The following ADAM12 variants were observed in gnomAD, a reference collection of about 807,000 sequenced individuals.
ADAM12 encodes the protein disintegrin and metalloproteinase domain-containing protein 12.
A neutral mutation model predicts 106.4 loss-of-function variants in ADAM12; 70 were observed. That is an observed-to-expected ratio of 0.66 (90% CI 0.54 to 0.80). ADAM12 has a LOEUF of 0.80. ADAM12 is among the 30% of genes least tolerant of loss of function. ADAM12 has a pLI of 0.00. For synonymous variants in ADAM12, 420 were observed against 433.5 expected (o/e 0.97, Z 0.39); for missense variants, 1,010 against 1,171.9 (o/e 0.86, Z 2.02).
chr10:126,321,909 G>A (rs567522649), intron 2 of ADAM12, among the ~76,000 whole-genome samples: 2 of 143,234 alleles, frequency 1.4e-5, no homozygotes, highest in South Asian at 2.5e-4. Context: ...GGGGGTCGGG[G>A]GGGGGGCTTC....
intron 3 of ADAM12, among the ~76,000 whole-genome samples, chr10:126,187,541 C>A (rs1385007184): frequency 1.3e-5 from 2 of 152,078 alleles, no homozygotes; most frequent in Non-Finnish European, 2.9e-5. Context: ...GAGGTGGGAG[C>A]CCAGGTCGGT....
chr10:126,064,712 G>T lies in ADAM12; in HGVS notation c.1609+94C>A. The T allele has an allele frequency of 7.5e-7, 1 of 1,337,612 alleles. No homozygotes were observed. Among genetic ancestry groups the T allele is most frequent in the Non-Finnish European group, 1.0e-6 (1 of 983,602 alleles). The allele number at this position is 1,337,612 out of a possible 1,614,324, so 82.9% of individuals were successfully genotyped here. On this transcript the variant is annotated intron_variant, in intron 14 of 22. Coordinates refer to ENST00000448723, the MANE Select transcript of ADAM12 (RefSeq NM_001288973.2). This position sits in a 1 kb window ranked among gnomAD's most constrained non-coding sequence, Gnocchi z 4.4. ...GCTGTGTGGACAGCGCCCGCCAGGA[G>T]TGGGGGCTAACCAAAACAGAGCACA...
At chr10:126,217,235 A>G (rs996645601) in intron 3 of ADAM12, among the ~76,000 whole-genome samples, 4 of 152,230 alleles carry the variant, frequency 2.6e-5, no homozygotes, top group African/African-American at 9.7e-5. Flanking sequence ...AAGATGAACT[A>G]AAGTTTACCC....
At chr10:126,020,074 G>A (rs890239565) in intron 21 of ADAM12, among the ~76,000 whole-genome samples, 2 of 152,228 alleles carry the variant, frequency 1.3e-5, no homozygotes, top group African/African-American at 4.8e-5. Context: ...CCCTGGGGTA[G>A]CGTTGATGTT....
chr10:126,060,453 C>T (rs977423858), intron 14 of ADAM12, among the ~76,000 whole-genome samples: 7 of 152,092 alleles, frequency 4.6e-5, no homozygotes, highest in South Asian at 4.1e-4. Flanking sequence ...TGTCAAGGGC[C>T]GGTGGGGCAA....
At chr10:126,334,966 A>G (rs1854647591) in intron 1 of ADAM12, among the ~76,000 whole-genome samples, 1 of 152,182 alleles carries the variant, frequency 6.6e-6, no homozygotes, top group African/African-American at 2.4e-5. Flanking sequence ...CTACAAAATG[A>G]AAACTGCATT....
rs190366386 is a variant in ADAM12 at position 126,350,123 on chromosome 10, G to A, written c.89-19614C>T. On this transcript the variant is annotated intron_variant, in intron 1 of 22. Coordinates refer to ENST00000448723, the MANE Select transcript of ADAM12 (RefSeq NM_001288973.2). ...TTATAAATATTTCAATGCTCTCCCT[G>A]TCCCCAAGAAGAAACTGGAAAAAAT... is the stretch of plus-strand genomic sequence containing the variant. Among the ~76,000 whole-genome samples the A allele has an allele frequency of 3.3e-5, 5 of 152,178 alleles. No homozygotes were observed. The East Asian group carries it at 7.7e-4, about 24-fold the overall frequency.
intron 9 of ADAM12, among the ~76,000 whole-genome samples, chr10:126,100,384 T>C (rs923421322): frequency 6.6e-6 from 1 of 152,112 alleles, no homozygotes; most frequent in Non-Finnish European, 1.5e-5. Context: ...ACATACATTT[T>C]CCACTAATAA....
chr10:126,376,314 T>C (rs1233704018), intron 1 of ADAM12, among the ~76,000 whole-genome samples: 1 of 152,010 alleles, frequency 6.6e-6, no homozygotes, highest in Non-Finnish European at 1.5e-5. Flanking sequence ...ATAAGTAACA[T>C]TCATATACAC....
intron 2 of ADAM12, among the ~76,000 whole-genome samples, chr10:126,294,925 T>A (rs1044781353): frequency 6.7e-6 from 1 of 149,962 alleles, no homozygotes; most frequent in Non-Finnish European, 1.5e-5. Flanking sequence ...TATGTGTGTG[T>A]GTGCCTGTGT....
At chr10:126,198,490 C>T (rs903513740) in intron 3 of ADAM12, among the ~76,000 whole-genome samples, 2 of 152,188 alleles carry the variant, frequency 1.3e-5, no homozygotes. Context: ...GAAATATTTG[C>T]TATCTGGTTT....
At chr10:126,374,540 A>T (rs1422503453) in intron 1 of ADAM12, among the ~76,000 whole-genome samples, 1 of 152,226 alleles carries the variant, frequency 6.6e-6, no homozygotes, top group Non-Finnish European at 1.5e-5. Flanking sequence ...CAAAGCTTCC[A>T]TACGTGAAAA....
At chr10:126,115,190 G>C (rs756332085) in intron 6 of ADAM12, among the ~76,000 whole-genome samples, 3 of 152,154 alleles carry the variant, frequency 2.0e-5, no homozygotes, top group Non-Finnish European at 2.9e-5. Context: ...CCATACTAAC[G>C]GAGGGGAACA....
intron 3 of ADAM12, among the ~76,000 whole-genome samples, chr10:126,218,196 T>G (rs1958024359): frequency 6.6e-6 from 1 of 150,898 alleles, no homozygotes; most frequent in African/African-American, 2.4e-5. Context: ...GGGCAGGGGG[T>G]GGTAACTATC....
At chr10:126,025,600 C>T (rs1953857203) in intron 21 of ADAM12, among the ~76,000 whole-genome samples, 1 of 152,110 alleles carries the variant, frequency 6.6e-6, no homozygotes, top group African/African-American at 2.4e-5. Context: ...AACAGAGCCC[C>T]CCCAGCAAAT....
At chr10:126,167,037 C>A (rs1369252630) in intron 3 of ADAM12, among the ~76,000 whole-genome samples, 3 of 152,188 alleles carry the variant, frequency 2.0e-5, no homozygotes, top group African/African-American at 7.2e-5. Context: ...ACAGTCATTT[C>A]TCTTAAACTT....
intron 6 of ADAM12, among the ~76,000 whole-genome samples, chr10:126,113,876 A>C (rs1955931708): frequency 6.6e-6 from 1 of 151,102 alleles, no homozygotes; most frequent in South Asian, 2.1e-4. Flanking sequence ...AGCCACATGC[A>C]AGCCAGCTGT....
At chr10:126,210,190 A>C (rs1041814413) in intron 3 of ADAM12, among the ~76,000 whole-genome samples, 4 of 152,192 alleles carry the variant, frequency 2.6e-5, no homozygotes, top group Non-Finnish European at 5.9e-5. Context: ...CTGCGTGGTG[A>C]ACTCCATTTC....
In ADAM12 at chr10:126,064,636, G is replaced by A. The variant is rs56381421; in HGVS notation, c.1609+170C>T. 11,520 of 690,452 alleles carry A rather than the reference G, an allele frequency of 0.017. 456 individuals carry two copies. The highest frequency in any genetic ancestry group is 0.09 in the East Asian group (3,260 of 36,112). 42.8% of individuals were successfully genotyped at this position (690,452 alleles called of 1,614,324 possible). A position where few individuals can be genotyped will look rare whatever the true frequency, so the allele number is the denominator to read the frequency against. ...TTTCTGTGCACCCCATGCCCAGTGC[G>A]GCCTCAGACCCTCCCTGGGAGTCAA... On this transcript the variant is annotated intron_variant, in intron 14 of 22. Coordinates refer to ENST00000448723, the MANE Select transcript of ADAM12 (RefSeq NM_001288973.2). The surrounding 1 kb of genome is among the most constrained non-coding windows in gnomAD (Gnocchi z 4.4).
Sources: allele counts gnomAD v4.1 joint callset (sites outside exome capture counted in the v4.1 genomes callset), GRCh38; gene constraint gnomAD v4.1.1; non-coding constraint Gnocchi (gnomAD v3.1); transcripts MANE v1.5; gene names NCBI Gene and HGNC (gene_info 2026-07-23, HGNC 2026-07-21).